Variants in CNBD1 observed in about 807,000 individuals in gnomAD.
The protein encoded by CNBD1 is cyclic nucleotide-binding domain-containing protein 1.
In CNBD1, 71 loss-of-function variants were observed where a neutral mutation model predicts 54.4. The observed-to-expected ratio is 1.30, with a 90% CI of 1.08 to 1.59. The LOEUF (loss-of-function observed/expected upper bound fraction) is 1.59, where lower values mean the gene tolerates loss of function less well. Ranked by LOEUF, CNBD1 falls within the 40% of genes most tolerant of loss-of-function variation. The pLI, the probability that CNBD1 is intolerant of heterozygous loss-of-function variation, is 0.00. For synonymous variants in CNBD1, 182 were observed against 170.7 expected (o/e 1.07, Z -0.51); for missense variants, 659 against 518.0 (o/e 1.27, Z -2.64).
At chr8:87,382,864 T>G, downstream of CNBD1, 1 of 386,652 alleles carries the variant, frequency 2.6e-6, no homozygotes, top group Non-Finnish European at 4.7e-6. Context: ...GATTTACCTC[T>G]GTTGATACGA....
intron 2 of CNBD1, among the ~76,000 whole-genome samples, chr8:87,405,867 T>G (rs1487791038): frequency 1.3e-5 from 2 of 152,126 alleles, no homozygotes; most frequent in Admixed American, 6.6e-5. Context: ...ATATTAGAAT[T>G]ATTGATATCT....
chr8:87,367,630 C>A (rs893738665), intron 10 of CNBD1, among the ~76,000 whole-genome samples: 3 of 152,154 alleles, frequency 2.0e-5, no homozygotes, highest in Non-Finnish European at 2.9e-5. Flanking sequence ...CTGTGTTCCA[C>A]ACATTATTCT....
At chr8:87,212,333 CT>C (rs1055555998) in intron 5 of CNBD1, among the ~76,000 whole-genome samples, 2 of 151,580 alleles carry the variant, frequency 1.3e-5, no homozygotes, top group Non-Finnish European at 2.9e-5. Context: ...TACCAATTGT[CT>C]TTTTTTTGCA....
In CNBD1 at chr8:87,172,952, C is replaced by T. The variant is rs541526276; in HGVS notation, c.432-33041C>T. Among the ~76,000 whole-genome samples the T allele has an allele frequency of 2.0e-5, 3 of 151,942 alleles. No individual in the cohort carries two copies. In the South Asian group the frequency reaches 6.2e-4, roughly 32 times the overall value. ...CGGTTATTTTGTGGCCTTTCTCTTC[C>T]TTCTTTCTTTTCTCCCTTTTAGTGA... On this transcript the variant is annotated intron_variant, in intron 4 of 10. Coordinates refer to ENST00000518476, the MANE Select transcript of CNBD1 (RefSeq NM_173538.3).
At chr8:86,919,900 G>C (rs1809244127) in intron 3 of CNBD1, among the ~76,000 whole-genome samples, 1 of 152,030 alleles carries the variant, frequency 6.6e-6, no homozygotes, top group Non-Finnish European at 1.5e-5. Flanking sequence ...TGTGGCCTGA[G>C]ATTCTGTGTT....
intron 4 of CNBD1, among the ~76,000 whole-genome samples, chr8:87,184,282 G>A (rs1335540040): frequency 1.3e-5 from 2 of 152,190 alleles, no homozygotes; most frequent in Non-Finnish European, 2.9e-5. Flanking sequence ...GAGGCTGGGT[G>A]GCAAATGGGT....
At chr8:87,052,805 A>C (rs1432867055) in intron 4 of CNBD1, among the ~76,000 whole-genome samples, 2 of 152,160 alleles carry the variant, frequency 1.3e-5, no homozygotes, top group Non-Finnish European at 2.9e-5. Flanking sequence ...TACTTGGGTT[A>C]CTTTTGGAAA....
intron 2 of CNBD1, among the ~76,000 whole-genome samples, chr8:87,415,920 A>G (rs900343205): frequency 2.6e-5 from 4 of 151,992 alleles, no homozygotes; most frequent in African/African-American, 9.7e-5. Context: ...TACTGCTTAT[A>G]AGAAACAAAT....
Position 87,286,686 on chromosome 8 carries a change from A to T in CNBD1, c.1042+15A>T. 6.6e-7 allele frequency: 1 copy of T among 1,519,316 alleles called. No individual in the cohort carries two copies. The highest frequency in any genetic ancestry group is 1.2e-5 in the South Asian group (1 of 80,308). The allele number at this position is 1,519,316 out of a possible 1,614,324, so 94.1% of individuals were successfully genotyped here. A position where few individuals can be genotyped will look rare whatever the true frequency, so the allele number is the denominator to read the frequency against. On this transcript the variant is annotated intron_variant, in intron 8 of 10. Transcript: ENST00000518476. ...TCCAGGTCATGGTAAGTTTAATGCA[A>T]TTTAGATCATTTTGTTTGCATTCTG... is the stretch of plus-strand genomic sequence containing the variant.
chr8:87,153,088 T>G (rs1812640321), intron 4 of CNBD1, among the ~76,000 whole-genome samples: 1 of 152,182 alleles, frequency 6.6e-6, no homozygotes, highest in Non-Finnish European at 1.5e-5. Flanking sequence ...TATGCTCGCA[T>G]ATGTCTTTTA....
intron 4 of CNBD1, among the ~76,000 whole-genome samples, chr8:87,080,810 A>G (rs972354860): frequency 1.3e-5 from 2 of 152,082 alleles, no homozygotes; most frequent in African/African-American, 4.8e-5. Flanking sequence ...ATTTCACTAA[A>G]TCTTCAAAAT....
intron 4 of CNBD1, among the ~76,000 whole-genome samples, chr8:86,971,659 C>T (rs767104213): frequency 2.5e-4 from 38 of 152,068 alleles, no homozygotes; most frequent in Non-Finnish European, 4.3e-4. Context: ...CATAGAGTTT[C>T]TATACTTTTT....
intron 4 of CNBD1, among the ~76,000 whole-genome samples, chr8:86,995,226 A>G (rs1449692363): frequency 6.6e-6 from 1 of 152,228 alleles, no homozygotes; most frequent in African/African-American, 2.4e-5. Flanking sequence ...GAATACATAA[A>G]TATTTATGAA....
intron 5 of CNBD1, among the ~76,000 whole-genome samples, chr8:87,230,512 C>T (rs1378071921): frequency 6.6e-6 from 1 of 152,112 alleles, no homozygotes; most frequent in East Asian, 1.9e-4. Context: ...TGTGTGTGTC[C>T]TTCAGATGTT....
At chr8:86,885,605 T>C (rs749141913) in intron 1 of CNBD1, among the ~76,000 whole-genome samples, 6 of 152,190 alleles carry the variant, frequency 3.9e-5, no homozygotes, top group Non-Finnish European at 4.4e-5. Flanking sequence ...CAACATCTGG[T>C]CTTTACAAAG....
At chr8:87,427,179 C>T (rs183448430) in intron 2 of CNBD1, among the ~76,000 whole-genome samples, 2 of 152,074 alleles carry the variant, frequency 1.3e-5, no homozygotes, top group African/African-American at 2.4e-5. Context: ...TCCCATTAGG[C>T]CATACCCTAA....
rs181948060 is a variant in CNBD1, at chr8:87,104,317, C to T, written c.432-101676C>T. ...GGTCTTTGCATTTAATATTTTAAAA[C>T]TGGAGCACTTCTGAATGATGGCAAA... On this transcript the variant is annotated intron_variant, in intron 4 of 10. Transcript: ENST00000518476. 3.5e-3 allele frequency among the ~76,000 whole-genome samples: 539 copies of T among 152,280 alleles called. 1 individual carries two copies. Among genetic ancestry groups the T allele is most frequent in the Non-Finnish European group, 5.3e-3 (358 of 68,026 alleles).
intron 4 of CNBD1, among the ~76,000 whole-genome samples, chr8:87,013,121 G>T (rs1776203183): frequency 6.6e-6 from 1 of 152,234 alleles, no homozygotes; most frequent in South Asian, 2.1e-4. Context: ...TAAGGTACAA[G>T]CAGGGGCCCA....
At chr8:87,102,478 A>G (rs1391579304) in intron 4 of CNBD1, among the ~76,000 whole-genome samples, 1 of 152,242 alleles carries the variant, frequency 6.6e-6, no homozygotes, top group East Asian at 1.9e-4. Context: ...TGTGGGCAAG[A>G]TTGCAGGTAG....
Sources: gnomAD v4.1 joint callset for allele counts (sites outside exome capture counted in the v4.1 genomes callset) on GRCh38, gnomAD v4.1.1 for gene constraint, MANE v1.5 for transcripts, NCBI Gene and HGNC (gene_info 2026-07-23, HGNC 2026-07-21) for gene names.